ASPH: variants seen among roughly 807,000 people sequenced by gnomAD.
The protein encoded by ASPH is aspartate beta-hydroxylase.
A neutral mutation model predicts 118.4 loss-of-function variants in ASPH; 100 were observed. The ratio of observed to expected loss-of-function variants is 0.84; its 90% confidence interval spans 0.72 to 1.00. The LOEUF is 1.00. Among genes scored for constraint, ASPH ranks in the 50% least tolerant of loss-of-function variants. The pLI is 0.00. For synonymous variants in ASPH, 315 were observed against 325.6 expected, an observed-to-expected ratio of 0.97 and a Z score of 0.35; for missense variants, 920 against 919.5, an observed-to-expected ratio of 1.00 and a Z score of -0.01.
chr8:61,547,418 C>T (rs921223078), intron 21 of ASPH, among the ~76,000 whole-genome samples: 1 of 152,122 alleles, frequency 6.6e-6, no homozygotes, highest in Non-Finnish European at 1.5e-5. Flanking sequence ...TTCTCTAGAC[C>T]CTTTTAGGGG....
intron 5 of ASPH, among the ~76,000 whole-genome samples, chr8:61,650,655 C>A (rs912848594): frequency 6.6e-6 from 1 of 152,118 alleles, no homozygotes; most frequent in Non-Finnish European, 1.5e-5. Flanking sequence ...AAAGTGTCAT[C>A]ATTTTTGTTG....
At chr8:61,624,828 C>T (rs1039032608) in intron 13 of ASPH, 4 of 985,486 alleles carry the variant, frequency 4.1e-6, no homozygotes, top group Non-Finnish European at 4.8e-6. Flanking sequence ...CTATAATTCA[C>T]AAAATGAAGA....
chr8:61,705,854 C>T (rs1463885799), intron 1 of ASPH, among the ~76,000 whole-genome samples: 1 of 152,016 alleles, frequency 6.6e-6, no homozygotes, highest in Admixed American at 6.6e-5. Flanking sequence ...TATACTAATA[C>T]CTGCAACTTA....
intron 20 of ASPH, 124 bp downstream of exon 20, chr8:61,552,907 T>C: frequency 1.3e-6 from 1 of 775,368 alleles, no homozygotes; most frequent in South Asian, 1.9e-5. Context: ...AACTAAATAG[T>C]TTATATCACT....
intron 21 of ASPH, among the ~76,000 whole-genome samples, chr8:61,527,229 T>C (rs1340497965): frequency 6.6e-6 from 1 of 152,224 alleles, no homozygotes; most frequent in Non-Finnish European, 1.5e-5. Context: ...TGAGTTTCTT[T>C]GTAAATCATG....
intron 18 of ASPH, among the ~76,000 whole-genome samples, chr8:61,560,127 G>A (rs1259973494): frequency 1.3e-5 from 2 of 152,236 alleles, no homozygotes; most frequent in Non-Finnish European, 2.9e-5. Flanking sequence ...ATGAACTACT[G>A]TTTCTCTAGC....
intron 16 of ASPH, among the ~76,000 whole-genome samples, chr8:61,573,302 G>T (rs1834027135): frequency 6.6e-6 from 1 of 152,198 alleles, no homozygotes. Context: ...GTAATTTATA[G>T]ATTAAATGCT....
intron 24 of ASPH, among the ~76,000 whole-genome samples, chr8:61,515,185 C>T (rs1379164414): frequency 6.6e-6 from 1 of 152,132 alleles, no homozygotes; most frequent in African/African-American, 2.4e-5. Context: ...ATCTCCACTG[C>T]CTCATGCTCT....
chr8:61,619,672 C>A (rs1025535312), intron 13 of ASPH, among the ~76,000 whole-genome samples: 4 of 152,204 alleles, frequency 2.6e-5, no homozygotes, highest in Non-Finnish European at 5.9e-5. Flanking sequence ...AGCCAGAGAA[C>A]ATCCACCCCT....
chr8:61,602,883 C>T (rs1344644898), intron 14 of ASPH, among the ~76,000 whole-genome samples: 2 of 152,108 alleles, frequency 1.3e-5, no homozygotes, highest in Non-Finnish European at 2.9e-5. Flanking sequence ...AACCACAATA[C>T]TGTTACCATA....
intron 24 of ASPH, 22 bp from the exon 25 acceptor site, chr8:61,503,531 T>C: frequency 6.2e-7 from 1 of 1,601,158 alleles, no homozygotes; most frequent in Non-Finnish European, 8.5e-7. Flanking sequence ...AGACAAGGAT[T>C]CCTGAATATA....
intron 1 of ASPH, among the ~76,000 whole-genome samples, chr8:61,702,617 A>C (rs1262062608): frequency 6.6e-6 from 1 of 152,182 alleles, no homozygotes; most frequent in Non-Finnish European, 1.5e-5. Flanking sequence ...AAACTATGCC[A>C]AAGAACAGAA....
intron 21 of ASPH, among the ~76,000 whole-genome samples, chr8:61,528,876 G>A (rs190882736): frequency 6.6e-6 from 1 of 152,270 alleles, no homozygotes; most frequent in African/African-American, 2.4e-5. Flanking sequence ...GGGCAAACTG[G>A]TGCAGAAGGG....
At chr8:61,566,456 T>C (rs771719001) in intron 17 of ASPH, among the ~76,000 whole-genome samples, 21 of 152,212 alleles carry the variant, frequency 1.4e-4, no homozygotes, top group African/African-American at 4.8e-4. Context: ...GCAGTGAACA[T>C]CGTTGAAATG....
chr8:61,642,948 A>C, intron 9 of ASPH, 28 bp from the exon 10 acceptor site: 1 of 1,540,294 alleles, frequency 6.5e-7, no homozygotes, highest in Non-Finnish European at 8.7e-7. Context: ...ATAAAAGCAA[A>C]ATAAGTATTA....
chr8:61,595,711 C>T (rs1227040193), intron 14 of ASPH, among the ~76,000 whole-genome samples: 1 of 152,168 alleles, frequency 6.6e-6, no homozygotes, highest in African/African-American at 2.4e-5. Flanking sequence ...ACATGTCACA[C>T]ACAGGGAAAT....
chr8:61,557,772 G>A (rs540324505), intron 18 of ASPH, among the ~76,000 whole-genome samples: 2 of 152,254 alleles, frequency 1.3e-5, no homozygotes, highest in Admixed American at 1.3e-4. Context: ...TCCCTAACTA[G>A]ACCTCTGAAA....
chr8:61,659,392 T>C (rs1050373212), intron 3 of ASPH: 1 of 152,074 alleles, frequency 6.6e-6, no homozygotes, highest in Non-Finnish European at 1.5e-5. Flanking sequence ...CTCCCTCTAA[T>C]AGGACACAAG....
chr8:61,556,137 G>T, intron 18 of ASPH, 115 bp from the exon 19 acceptor site: 2 of 825,352 alleles, frequency 2.4e-6, no homozygotes, highest in South Asian at 3.4e-5. Context: ...ACTTGGATTG[G>T]ATTATGATGT....
Sources: allele counts gnomAD v4.1 joint callset (sites outside exome capture counted in the v4.1 genomes callset), GRCh38; gene constraint gnomAD v4.1.1; transcripts MANE v1.5; gene names NCBI Gene and HGNC (gene_info 2026-07-23, HGNC 2026-07-21).